The following DAAM1 variants were observed in gnomAD, a reference collection of about 807,000 sequenced individuals.
DAAM1 encodes disheveled-associated activator of morphogenesis 1.
Under a neutral mutation model 130.0 loss-of-function variants are expected in DAAM1, and 52 were observed. The observed-to-expected ratio is 0.40, with a 90% CI of 0.32 to 0.50. The LOEUF (loss-of-function observed/expected upper bound fraction) is 0.50. Ranked by LOEUF, DAAM1 falls within the 20% of genes least tolerant of loss-of-function variation. The pLI is 0.61. For synonymous variants in DAAM1, 452 were observed against 444.5 expected, an observed-to-expected ratio of 1.02 and a Z score of -0.21; for missense variants, 1,134 against 1,303.8, an observed-to-expected ratio of 0.87 and a Z score of 2.01.
intron 3 of DAAM1, among the ~76,000 whole-genome samples, chr14:59,314,006 C>G (rs943929739): frequency 1.3e-5 from 2 of 152,198 alleles, no homozygotes; most frequent in Non-Finnish European, 2.9e-5. Flanking sequence ...TACTTTGCCC[C>G]CTTGTTGTGA....
chr14:59,347,550 C>A lies in DAAM1; in HGVS notation c.2087C>A (p.Ser696Tyr). The A allele has an allele frequency of 6.2e-7, 1 of 1,613,464 alleles. No homozygotes were observed. The highest frequency in any genetic ancestry group is 8.5e-7 in the Non-Finnish European group (1 of 1,179,606). The part of the protein sequence containing the change: ...CNILLSRLKL[S>Y]NDEIKRAILT... ...TATTCTTTCTCCAGGTTGAAATTAT[C>A]CAATGACGAAATCAAACGGGCAATT... is the stretch of plus-strand genomic sequence containing the variant. Residue 696 changes from serine (S) to tyrosine (Y), a missense_variant, in exon 17 of 25, where the codon TCC becomes TAC. By Grantham distance (144) the Ser-to-Tyr change is moderately radical. This residue lies in a region of DAAM1 where 644 missense variants were observed against 695.9 expected (regional missense o/e 0.93). Transcript: ENST00000360909.
At chr14:59,267,946 A>G (rs1594789400) in intron 2 of DAAM1, among the ~76,000 whole-genome samples, 2 of 128,680 alleles carry the variant, frequency 1.6e-5, no homozygotes, top group East Asian at 5.1e-4. Context: ...TCTGTTACCC[A>G]GGCTGGAGTG....
At chr14:59,308,436 C>A (rs564633000) in intron 3 of DAAM1, among the ~76,000 whole-genome samples, 1 of 152,170 alleles carries the variant, frequency 6.6e-6, no homozygotes, top group Admixed American at 6.5e-5. Context: ...TTATTCCATG[C>A]AGTTCCCAGG....
rs1283867125 is a variant in DAAM1 at position 59,331,413 on chromosome 14, C to T, written c.1765C>T (p.Pro589Ser). ...TCCTCCCTTAGGGGCAATCATGCCA[C>T]CTCCTGGTGCTCCAATGGGCCTAGC... ...GPPPLGAIMPPPGAPMGLALK... is the reference protein window; with the variant it reads ...GPPPLGAIMPSPGAPMGLALK... Residue 589 changes from proline to serine, a missense_variant, in exon 14 of 25, where the codon CCT becomes TCT. This residue lies in a region of DAAM1 where 644 missense variants were observed against 695.9 expected (regional missense o/e 0.93). Coordinates refer to ENST00000360909, the MANE Select transcript of DAAM1 (RefSeq NM_001270520.2). 6.2e-7 allele frequency: 1 copy of T among 1,613,848 alleles called. No individual in the cohort carries two copies. Among genetic ancestry groups the T allele is most frequent in the African/African-American group, 1.3e-5 (1 of 74,874 alleles).
intron 3 of DAAM1, among the ~76,000 whole-genome samples, chr14:59,293,481 G>A (rs1566688456): frequency 6.6e-6 from 1 of 152,174 alleles, no homozygotes; most frequent in Non-Finnish European, 1.5e-5. Context: ...ACTGGCCTCA[G>A]AATCCCACTT....
intron 16 of DAAM1, among the ~76,000 whole-genome samples, chr14:59,343,055 A>G (rs1393791423): frequency 6.6e-6 from 1 of 152,182 alleles, no homozygotes; most frequent in African/African-American, 2.4e-5. Context: ...CATCTATAAA[A>G]TGAAGATCAT....
Position 59,331,310 on chromosome 14 carries a change from C to T in DAAM1, c.1662C>T (p.Pro554=), listed in dbSNP as rs575839836. 27 of 1,612,286 alleles carry T rather than the reference C, an allele frequency of 1.7e-5. No individual in the cohort carries two copies. The South Asian group carries it at 2.9e-4, about 17-fold the overall frequency. ...VPGSLLPPPP[P]PPLPGGMLPP... The stretch of plus-strand genomic sequence containing the variant: ...GATCTCTCCTTCCTCCCCCACCACC[C>T]CCACCTCTACCAGGTGGGATGCTTC... Residue 554 remains proline (P), a synonymous_variant, in exon 14 of 25, where the codon CCC becomes CCT. Transcript: ENST00000360909.
chr14:59,298,094 A>T (rs1884028796), intron 3 of DAAM1, among the ~76,000 whole-genome samples: 1 of 152,200 alleles, frequency 6.6e-6, no homozygotes. Context: ...TGCAAAAAAT[A>T]AAATTGTTCT....
At chr14:59,301,176 GT>G (rs1237239546) in intron 3 of DAAM1, among the ~76,000 whole-genome samples, 1 of 151,970 alleles carries the variant, frequency 6.6e-6, no homozygotes, top group Non-Finnish European at 1.5e-5. Context: ...AAGTTTTTCA[GT>G]TTTTTCCCAT....
At chr14:59,280,227 G>C (rs1193031043) in intron 2 of DAAM1, among the ~76,000 whole-genome samples, 1 of 152,132 alleles carries the variant, frequency 6.6e-6, no homozygotes, top group Non-Finnish European at 1.5e-5. Context: ...CTTAACATGT[G>C]TACATTTCAC....
chr14:59,310,704 G>A (rs1884554018), intron 3 of DAAM1, among the ~76,000 whole-genome samples: 1 of 152,146 alleles, frequency 6.6e-6, no homozygotes, highest in Non-Finnish European at 1.5e-5. Context: ...TTGAGATGAT[G>A]GTATTAGTAT....
chr14:59,218,049 C>T (rs897871881), intron 1 of DAAM1, among the ~76,000 whole-genome samples: 1 of 151,978 alleles, frequency 6.6e-6, no homozygotes, highest in Non-Finnish European at 1.5e-5. Flanking sequence ...AGGAGCATCA[C>T]TTGGGCCCAG....
chr14:59,223,340 T>G (rs1302768616), intron 1 of DAAM1, among the ~76,000 whole-genome samples: 1 of 152,252 alleles, frequency 6.6e-6, no homozygotes, highest in Non-Finnish European at 1.5e-5. Context: ...ATATGGTAAC[T>G]TGGTAGCCCA....
At chr14:59,345,141 G>A (rs890431389) in intron 16 of DAAM1, among the ~76,000 whole-genome samples, 7 of 152,162 alleles carry the variant, frequency 4.6e-5, no homozygotes, top group African/African-American at 1.7e-4. Context: ...AGGCTACCCA[G>A]TTGAGGCCCT....
At chr14:59,245,303 A>G (rs1425482707) in intron 1 of DAAM1, among the ~76,000 whole-genome samples, 1 of 152,028 alleles carries the variant, frequency 6.6e-6, no homozygotes, top group East Asian at 1.9e-4. Context: ...GCCCTTTTGT[A>G]ATTTATACTT....
Position 59,263,468 on chromosome 14 carries a change from G to C in DAAM1, c.-10G>C. On this transcript the variant is annotated 5_prime_UTR_variant, in exon 2 of 25. Transcript: ENST00000360909. ...TTTAGTCACATCAAGAAATAGAACA[G>C]AATTCAGCCATGGCCCCAAGAAAGA... The C allele has an allele frequency of 6.2e-7, 1 of 1,614,178 alleles. No individual in the cohort carries two copies. The highest frequency in any genetic ancestry group is 8.5e-7 in the Non-Finnish European group (1 of 1,180,008).
At chr14:59,320,792 G>T (rs550600652) in intron 5 of DAAM1, among the ~76,000 whole-genome samples, 2 of 152,268 alleles carry the variant, frequency 1.3e-5, no homozygotes, top group East Asian at 3.9e-4. Flanking sequence ...AAAACAGAGA[G>T]AGACTTTAAC....
chr14:59,212,935 A>T (rs1217717607), intron 1 of DAAM1, among the ~76,000 whole-genome samples: 1 of 152,194 alleles, frequency 6.6e-6, no homozygotes, highest in African/African-American at 2.4e-5. Flanking sequence ...CAATCGCAGC[A>T]TATAAATTCA....
At chr14:59,241,936 A>C (rs149397416) in intron 1 of DAAM1, among the ~76,000 whole-genome samples, 2 of 152,212 alleles carry the variant, frequency 1.3e-5, no homozygotes, top group East Asian at 3.9e-4. Flanking sequence ...GTTGTTACCT[A>C]TACAAGGATA....
Sources: allele counts gnomAD v4.1 joint callset (sites outside exome capture counted in the v4.1 genomes callset), GRCh38; gene constraint gnomAD v4.1.1; regional missense constraint gnomAD v4.1.1; transcripts MANE v1.5; gene names NCBI Gene and HGNC (gene_info 2026-07-23, HGNC 2026-07-21).